The following JAK2 variants were observed in gnomAD, a reference collection of about 807,000 sequenced individuals.
The protein encoded by JAK2 is Janus kinase 2, also known as tyrosine-protein kinase JAK2.
Under a neutral mutation model 139.3 loss-of-function variants are expected in JAK2, and 86 were observed. The observed-to-expected ratio is 0.62, with a 90% CI of 0.52 to 0.74. The LOEUF (loss-of-function observed/expected upper bound fraction) is 0.74, where lower values mean the gene tolerates loss of function less well. JAK2 is among the 30% of genes least tolerant of loss of function. JAK2 has a pLI of 0.00. For synonymous variants in JAK2, 490 were observed against 437.7 expected (o/e 1.12, Z -1.49); for missense variants, 1,421 against 1,360.3 (o/e 1.04, Z -0.70).
chr9:5,011,558 T>G (rs1288912841), intron 2 of JAK2, among the ~76,000 whole-genome samples: 2 of 152,222 alleles, frequency 1.3e-5, no homozygotes, highest in Non-Finnish European at 2.9e-5. Flanking sequence ...AATTTTTTAC[T>G]GTAAATTCTA....
At chr9:5,101,073 G>A (rs528538600) in intron 22 of JAK2, 10 of 152,350 alleles carry the variant, frequency 6.6e-5, no homozygotes, top group Admixed American at 2.0e-4. Flanking sequence ...GAAGCAGGGC[G>A]GGGCATCACC....
chr9:5,085,903 T>C, intron 19 of JAK2: 1 of 902,988 alleles, frequency 1.1e-6, no homozygotes. Context: ...TCCTTTCTAA[T>C]ACCCTCATAC....
chr9:5,040,921 G>A lies in JAK2; in HGVS notation c.351-3482G>A, dbSNP rs1586685933. On this transcript the variant is annotated intron_variant, in intron 4 of 24. Coordinates refer to ENST00000381652, the MANE Select transcript of JAK2 (RefSeq NM_004972.4). ...CTGGCCGGCCACCCAGACGCTGCCG[G>A]CAGCCTGGCCATGGCGGAGCCAAGG... 9.0e-6 allele frequency: 3 copies of A among 331,698 alleles called. No homozygotes were observed. In the East Asian group the frequency reaches 2.8e-4, roughly 31 times the overall value. 20.5% of individuals were successfully genotyped at this position (331,698 alleles called of 1,614,324 possible).
At chr9:5,088,076 C>T (rs1234273268) in intron 19 of JAK2, among the ~76,000 whole-genome samples, 1 of 152,154 alleles carries the variant, frequency 6.6e-6, no homozygotes, top group Non-Finnish European at 1.5e-5. Context: ...GGAATAATTT[C>T]TCACAACAGC....
intron 9 of JAK2, among the ~76,000 whole-genome samples, chr9:5,065,278 T>G (rs544729898): frequency 6.6e-6 from 1 of 152,370 alleles, no homozygotes; most frequent in African/African-American, 2.4e-5. Flanking sequence ...TTGTTAATCA[T>G]GCCTATGTGT....
chr9:5,011,258 T>C (rs1213527460), intron 2 of JAK2, among the ~76,000 whole-genome samples: 1 of 152,194 alleles, frequency 6.6e-6, no homozygotes, highest in Non-Finnish European at 1.5e-5. Flanking sequence ...TGATCACGGC[T>C]TTCTGCAGCC....
chr9:5,105,485 C>T (rs1230472836), intron 22 of JAK2, among the ~76,000 whole-genome samples: 1 of 152,190 alleles, frequency 6.6e-6, no homozygotes, highest in Non-Finnish European at 1.5e-5. Flanking sequence ...AATGGCGATA[C>T]TGCCCAAAGT....
intron 19 of JAK2, among the ~76,000 whole-genome samples, chr9:5,087,560 C>T (rs1389202659): frequency 1.3e-5 from 2 of 152,262 alleles, no homozygotes; most frequent in African/African-American, 2.4e-5. Flanking sequence ...TATTTTTCTT[C>T]ATCTCCTTCT....
intron 19 of JAK2, among the ~76,000 whole-genome samples, chr9:5,083,064 T>C (rs1469109949): frequency 6.6e-6 from 1 of 152,234 alleles, no homozygotes; most frequent in East Asian, 1.9e-4. Context: ...GGAAGATGAA[T>C]TAGGCAGTAT....
At chr9:5,093,079 A>C (rs948738851) in intron 22 of JAK2, among the ~76,000 whole-genome samples, 1 of 152,222 alleles carries the variant, frequency 6.6e-6, no homozygotes, top group Non-Finnish European at 1.5e-5. Context: ...ATTTAATAGA[A>C]GCAATAATGT....
At chr9:5,120,214 G>A (rs1387333985) in intron 22 of JAK2, among the ~76,000 whole-genome samples, 2 of 152,210 alleles carry the variant, frequency 1.3e-5, no homozygotes, top group Non-Finnish European at 2.9e-5. Context: ...AAGGGCGAGA[G>A]GGGCCAAATG....
At chr9:5,092,699 C>A (rs1029174953) in intron 22 of JAK2, among the ~76,000 whole-genome samples, 8 of 152,154 alleles carry the variant, frequency 5.3e-5, no homozygotes, top group Admixed American at 3.3e-4. Flanking sequence ...TCCCCCGAAA[C>A]CAAATGAGCT....
At chr9:5,005,152 G>A (rs1351278537) in intron 2 of JAK2, among the ~76,000 whole-genome samples, 1 of 111,594 alleles carries the variant, frequency 9.0e-6, no homozygotes, top group East Asian at 2.8e-4. Flanking sequence ...GTCTCACTGT[G>A]TTGCCCAGGC....
chr9:5,067,112 C>G (rs1818623687), intron 10 of JAK2, among the ~76,000 whole-genome samples: 2 of 152,014 alleles, frequency 1.3e-5, no homozygotes, highest in South Asian at 4.1e-4. Flanking sequence ...AACTGGAAAT[C>G]TTTGCCACAT....
intron 18 of JAK2, among the ~76,000 whole-genome samples, chr9:5,081,054 C>G (rs542896009): frequency 1.3e-4 from 20 of 151,842 alleles, no homozygotes; most frequent in African/African-American, 4.8e-4. Flanking sequence ...CGCCACCACA[C>G]CCGGCTAATT....
At chr9:5,083,701 T>G (rs1819874730) in intron 19 of JAK2, among the ~76,000 whole-genome samples, 1 of 152,094 alleles carries the variant, frequency 6.6e-6, no homozygotes, top group South Asian at 2.1e-4. Context: ...GAAGTAGACA[T>G]AACAAAGAAT....
intron 19 of JAK2, among the ~76,000 whole-genome samples, chr9:5,086,944 T>A (rs963955953): frequency 7.2e-5 from 11 of 152,204 alleles, no homozygotes; most frequent in African/African-American, 2.2e-4. Flanking sequence ...CTTCCCTTGA[T>A]TATCTGCTTC....
At chr9:5,006,749 C>A (rs1452443593) in intron 2 of JAK2, among the ~76,000 whole-genome samples, 1 of 152,200 alleles carries the variant, frequency 6.6e-6, no homozygotes, top group East Asian at 1.9e-4. Flanking sequence ...CCAGTCACCT[C>A]TCACCAGGCC....
rs1824142785 is a variant in JAK2, at chr9:5,128,407, ACTC to A, written c.*1620_*1622del. Among the ~76,000 whole-genome samples, 1 of 151,810 alleles carries A rather than the reference ACTC, an allele frequency of 6.6e-6. No homozygotes were observed. The highest frequency in any genetic ancestry group is 2.1e-4 in the South Asian group (1 of 4,824). On this transcript the variant is annotated 3_prime_UTR_variant, in exon 25 of 25. Transcript: ENST00000381652. ...GAAAGTTTAATTTTTATTTGTAAAG[ACTC>A]CTCAAGGATTTGTATATGCAACACA... is the stretch of plus-strand genomic sequence containing the variant.
Sources: allele counts gnomAD v4.1 joint callset (sites outside exome capture counted in the v4.1 genomes callset), GRCh38; gene constraint gnomAD v4.1.1; transcripts MANE v1.5; gene names NCBI Gene and HGNC (gene_info 2026-07-23, HGNC 2026-07-21).